BEGAIN: variants seen among roughly 807,000 people sequenced by gnomAD.
BEGAIN encodes brain-enriched guanylate kinase-associated protein.
BEGAIN carries 19 observed loss-of-function variants against 35.8 expected under a neutral mutation model. The observed-to-expected ratio is 0.53, with a 90% confidence interval of 0.37 to 0.78. The LOEUF is 0.78. BEGAIN is among the 30% of genes least tolerant of loss of function. The probability of loss-of-function intolerance (pLI) is 0.00; values close to 1 mark genes in which losing one functional copy is unlikely to be tolerated. For synonymous variants in BEGAIN, 462 were observed against 388.6 expected (o/e 1.19, Z -2.22); for missense variants, 795 against 853.6 (o/e 0.93, Z 0.85).
chr14:100,540,674 C>T, intron 5 of BEGAIN, 95 bp from the exon 6 acceptor site: 1 of 891,326 alleles, frequency 1.1e-6, no homozygotes, highest in Non-Finnish European at 1.8e-6. Flanking sequence ...CAGTGGTGTG[C>T]ACAGGGCCTG....
chr14:100,561,874 C>A (rs551525392), intron 2 of BEGAIN, among the ~76,000 whole-genome samples: 1 of 152,060 alleles, frequency 6.6e-6, no homozygotes, highest in Non-Finnish European at 1.5e-5. Context: ...GACAAAGGCA[C>A]CCTGGCCCCA....
chr14:100,543,889 T>C lies in BEGAIN; in HGVS notation c.377A>G (p.Lys126Arg). The change falls in exon 5 of 7, where the codon AAG becomes AGG. Residue 126 changes from lysine to arginine, a missense_variant. Physicochemically the swap from Lys to Arg is conservative, Grantham distance 26 (BLOSUM62 2). Transcript: ENST00000554140. Reference sequence around the variant, plus strand: ...CTCTGACAGCTTGTCGATGGTCACCTTGGCTTCTAGCAGATGGCTGTTGAG... The same window carrying C: ...CTCTGACAGCTTGTCGATGGTCACCCTGGCTTCTAGCAGATGGCTGTTGAG... ...VALNSHLLEA[K>R]VTIDKLSEDN... 1.9e-6 allele frequency: 3 copies of C among 1,613,638 alleles called. No individual in the cohort carries two copies. The highest frequency in any genetic ancestry group is 2.5e-6 in the Non-Finnish European group (3 of 1,179,850).
At chr14:100,570,151 G>A (rs1470187748) in intron 1 of BEGAIN, among the ~76,000 whole-genome samples, 1 of 152,198 alleles carries the variant, frequency 6.6e-6, no homozygotes, top group Non-Finnish European at 1.5e-5. Flanking sequence ...GACCTGCCAG[G>A]GAGTTTGTCT....
rs115501677 is a variant in BEGAIN at position 100,567,281 on chromosome 14, C to A, written c.71+630G>T. On this transcript the variant is annotated intron_variant, in intron 2 of 6. Transcript: ENST00000554140. The surrounding 1 kb of genome is among the most constrained non-coding windows in gnomAD (Gnocchi z 5.1). ...TCCCAGGCCTGCCGCGCAGGTGGTC[C>A]CGTGAAGTCTACCAAGGCTTAAAGT... Among the ~76,000 whole-genome samples the A allele has an allele frequency of 6.8e-3, 1,040 of 152,268 alleles. 14 individuals are homozygous for A. The highest frequency in any genetic ancestry group is 0.024 in the African/African-American group (1,017 of 41,574).
chr14:100,541,449 C>T (rs565551643), intron 5 of BEGAIN, among the ~76,000 whole-genome samples: 1 of 152,222 alleles, frequency 6.6e-6, no homozygotes. Context: ...TCTGTCCCCC[C>T]ACCACGGCCC....
At chr14:100,551,584 TG>T (rs1022637620) in intron 2 of BEGAIN, among the ~76,000 whole-genome samples, 3 of 152,234 alleles carry the variant, frequency 2.0e-5, no homozygotes, top group African/African-American at 7.2e-5. Flanking sequence ...TAGTTATACC[TG>T]GGTGGTGAAA....
Position 100,537,963 on chromosome 14 carries a change from A to G in BEGAIN, c.*6T>C. 6.2e-7 allele frequency: 1 copy of G among 1,602,520 alleles called. No individual in the cohort carries two copies. The highest frequency in any genetic ancestry group is 8.5e-7 in the Non-Finnish European group (1 of 1,175,658). ...GCGAACCACGGCCAGGCCTGCACGCAGGCGCTCAGTTGAGCAAGGTTCCGT... is the reference window on the plus strand; with the variant it reads ...GCGAACCACGGCCAGGCCTGCACGCGGGCGCTCAGTTGAGCAAGGTTCCGT... On this transcript the variant is annotated 3_prime_UTR_variant, in exon 7 of 7. Coordinates refer to ENST00000554140, the MANE Select transcript of BEGAIN (RefSeq NM_001385089.1).
intron 6 of BEGAIN, 167 bp downstream of exon 6, chr14:100,540,329 C>T (rs1368654639): frequency 1.5e-5 from 9 of 616,592 alleles, no homozygotes; most frequent in Admixed American, 2.9e-5. Flanking sequence ...GTGCCTTTGG[C>T]GGCCCCTCCA....
rs893259925 is a variant in BEGAIN at position 100,558,366 on chromosome 14, C to T, written c.71+9545G>A. ...TGCCTCTCCCTGCTCCCGCACCTCCCACCCTCACTGCGCTCTCCGGCTGCC... is the reference window on the plus strand; with the variant it reads ...TGCCTCTCCCTGCTCCCGCACCTCCTACCCTCACTGCGCTCTCCGGCTGCC... On this transcript the variant is annotated intron_variant, in intron 2 of 6. Coordinates refer to ENST00000554140, the MANE Select transcript of BEGAIN (RefSeq NM_001385089.1). The surrounding 1 kb of genome is among the most constrained non-coding windows in gnomAD (Gnocchi z 4.6). 2.0e-5 allele frequency among the ~76,000 whole-genome samples: 3 copies of T among 152,196 alleles called. No homozygotes were observed. Among genetic ancestry groups the T allele is most frequent in the African/African-American group, 7.2e-5 (3 of 41,446 alleles).
Position 100,564,606 on chromosome 14 carries a change from A to G in BEGAIN, c.71+3305T>C, listed in dbSNP as rs144222083. Among the ~76,000 whole-genome samples, 224 of 152,278 alleles carry G rather than the reference A, an allele frequency of 1.5e-3. 1 individual carries two copies. The highest frequency in any genetic ancestry group is 5.2e-3 in the African/African-American group (215 of 41,560). On this transcript the variant is annotated intron_variant, in intron 2 of 6. Transcript: ENST00000554140. ...GTTTTTCCAAGCAGTCGAAGACAAG[A>G]TAGCTGAGTGTGGCTGAGCAAGGGT...
intron 6 of BEGAIN, chr14:100,540,253 C>G: frequency 1.8e-6 from 1 of 541,266 alleles, no homozygotes; most frequent in Non-Finnish European, 3.3e-6. Context: ...CGAGGGCAAC[C>G]AGCAGCCGGG....
At chr14:100,585,860 G>T (rs2035433457) in intron 1 of BEGAIN, among the ~76,000 whole-genome samples, 1 of 152,262 alleles carries the variant, frequency 6.6e-6, no homozygotes, top group South Asian at 2.1e-4. Flanking sequence ...ACAAAAGCTG[G>T]GGAGGGCCCT....
At chr14:100,574,840 G>A (rs2035168887) in intron 1 of BEGAIN, among the ~76,000 whole-genome samples, 1 of 152,174 alleles carries the variant, frequency 6.6e-6, no homozygotes, top group Non-Finnish European at 1.5e-5. Context: ...CTGCAGCCTT[G>A]GGGACTTGCA....
At position 100,563,433 on chromosome 14, in the gene BEGAIN, G is replaced by T. The variant is rs1208639386; in HGVS notation, c.71+4478C>A. On this transcript the variant is annotated intron_variant, in intron 2 of 6. Transcript: ENST00000554140. This position sits in a 1 kb window ranked among gnomAD's most constrained non-coding sequence, Gnocchi z 4.2. The stretch of plus-strand genomic sequence containing the variant: ...AATTAAGAACTTTTGTTCATAGAAG[G>T]ACCGTGTGAACAGCGAGACGCGGCG... 6.6e-6 allele frequency among the ~76,000 whole-genome samples: 1 copy of T among 152,242 alleles called. No individual in the cohort carries two copies. The highest frequency in any genetic ancestry group is 2.4e-5 in the African/African-American group (1 of 41,460).
At chr14:100,549,099 G>A (rs4073737) in intron 2 of BEGAIN, 2,906 of 152,414 alleles carry the variant, frequency 0.019, 88 homozygotes, top group African/African-American at 0.066. Flanking sequence ...GCACTTGGCC[G>A]CCCCAGGGTT....
chr14:100,544,954 G>T, intron 4 of BEGAIN, 46 bp downstream of exon 4: 1 of 1,591,044 alleles, frequency 6.3e-7, no homozygotes, highest in Non-Finnish European at 8.6e-7. Context: ...CTCCCCCCGG[G>T]AAGGAGGTGT....
At chr14:100,562,753 G>A (rs1447764971) in intron 2 of BEGAIN, among the ~76,000 whole-genome samples, 2 of 152,148 alleles carry the variant, frequency 1.3e-5, no homozygotes, top group African/African-American at 4.8e-5. Context: ...CCTGAGCCAC[G>A]CTGTACAGGT....
At chr14:100,564,241 C>T (rs1217988548) in intron 2 of BEGAIN, among the ~76,000 whole-genome samples, 5 of 152,034 alleles carry the variant, frequency 3.3e-5, no homozygotes, top group South Asian at 2.1e-4. Flanking sequence ...CTGAACTGTG[C>T]GGATATTTAT....
intron 2 of BEGAIN, among the ~76,000 whole-genome samples, chr14:100,562,689 C>T (rs1396890363): frequency 6.6e-6 from 1 of 152,138 alleles, no homozygotes; most frequent in African/African-American, 2.4e-5. Flanking sequence ...CCTGCTGCTC[C>T]CTCTGCCTGG....
Sources: allele counts gnomAD v4.1 joint callset (sites outside exome capture counted in the v4.1 genomes callset), GRCh38; gene constraint gnomAD v4.1.1; non-coding constraint Gnocchi (gnomAD v3.1); transcripts MANE v1.5; gene names NCBI Gene and HGNC (gene_info 2026-07-23, HGNC 2026-07-21).